COL4A1: variants seen among roughly 807,000 people sequenced by gnomAD.
COL4A1 encodes collagen type IV alpha 1 chain.
Under a neutral mutation model 216.6 loss-of-function variants are expected in COL4A1, and 40 were observed. The observed-to-expected ratio is 0.18, with a 90% CI of 0.14 to 0.24. The LOEUF is 0.24. Ranked by LOEUF, COL4A1 falls within the 10% of genes least tolerant of loss-of-function variation. The pLI is 1.00. For synonymous variants in COL4A1, 839 were observed against 810.7 expected, an observed-to-expected ratio of 1.03 and a Z score of -0.59; for missense variants, 1,628 against 2,196.8, an observed-to-expected ratio of 0.74 and a Z score of 5.18.
intron 1 of COL4A1, among the ~76,000 whole-genome samples, chr13:110,304,086 G>A (rs1269137039): frequency 6.6e-6 from 1 of 152,152 alleles, no homozygotes; most frequent in Non-Finnish European, 1.5e-5. Context: ...CAGAGTACAT[G>A]AACATTGTGT....
rs1227987351 is a variant in COL4A1 at position 110,219,971 on chromosome 13, T to TAC, written c.145-5957_145-5956insGT. 4.7e-4 allele frequency among the ~76,000 whole-genome samples: 69 copies of TAC among 147,008 alleles called. 2 individuals are homozygous for TAC. The highest frequency in any genetic ancestry group is 1.6e-3 in the African/African-American group (63 of 40,060). On this transcript the variant is annotated intron_variant, in intron 2 of 51. Coordinates refer to ENST00000375820, the MANE Select transcript of COL4A1 (RefSeq NM_001845.6). ...ATATACACATACATACATATACATA[T>TAC]ATATATATATATATTTGAGGCAGGG... is the stretch of plus-strand genomic sequence containing the variant.
intron 1 of COL4A1, among the ~76,000 whole-genome samples, chr13:110,256,259 T>C (rs1017548893): frequency 6.6e-6 from 1 of 152,140 alleles, no homozygotes; most frequent in Non-Finnish European, 1.5e-5. Flanking sequence ...TTCGGGCATA[T>C]TCTAGTCCGG....
At chr13:110,270,963 A>AT (rs1462849410) in intron 1 of COL4A1, among the ~76,000 whole-genome samples, 8 of 152,212 alleles carry the variant, frequency 5.3e-5, no homozygotes, top group African/African-American at 1.9e-4. Flanking sequence ...AAGCAACGAC[A>AT]TGTTCATAAA....
intron 2 of COL4A1, among the ~76,000 whole-genome samples, chr13:110,240,041 A>G (rs891379694): frequency 6.6e-6 from 1 of 152,172 alleles, no homozygotes; most frequent in Non-Finnish European, 1.5e-5. Context: ...GACCTTCTCC[A>G]TTTTTGTTAA....
intron 17 of COL4A1, among the ~76,000 whole-genome samples, chr13:110,204,672 C>A (rs1454561240): frequency 8.0e-6 from 1 of 124,310 alleles, no homozygotes; most frequent in African/African-American, 3.0e-5. Flanking sequence ...TTAGTTAGTT[C>A]CCCAACTAAA....
At chr13:110,157,481 C>T (rs1454204539) in intron 49 of COL4A1, among the ~76,000 whole-genome samples, 1 of 152,214 alleles carries the variant, frequency 6.6e-6, no homozygotes, top group African/African-American at 2.4e-5. Flanking sequence ...CCACTAAGTT[C>T]AGTAACCGTG....
chr13:110,209,868 T>C, intron 10 of COL4A1, 112 bp downstream of exon 10: 1 of 1,332,712 alleles, frequency 7.5e-7, no homozygotes, highest in South Asian at 1.2e-5. Flanking sequence ...CATGTCCAAA[T>C]TAAGAGCGAC....
chr13:110,197,200 A>T (rs1035252122), intron 21 of COL4A1, among the ~76,000 whole-genome samples: 2 of 143,086 alleles, frequency 1.4e-5, no homozygotes, highest in African/African-American at 5.1e-5. Context: ...TAAAACCACA[A>T]TCCCCTGCCC....
At chr13:110,251,217 T>C (rs1051189914) in intron 1 of COL4A1, among the ~76,000 whole-genome samples, 4 of 152,224 alleles carry the variant, frequency 2.6e-5, no homozygotes, top group Middle Eastern at 3.2e-3. Context: ...TCATCTTCCA[T>C]GGCCTACTCC....
intron 24 of COL4A1, among the ~76,000 whole-genome samples, chr13:110,189,484 G>A (rs951862609): frequency 2.6e-5 from 4 of 152,216 alleles, no homozygotes; most frequent in Non-Finnish European, 1.5e-5. Context: ...AGTGGTCTGA[G>A]CTGGCCCCGC....
rs146317338 is a variant in COL4A1 at position 110,177,667 on chromosome 13, T to C, written c.2716+175A>G. Among the ~76,000 whole-genome samples the C allele has an allele frequency of 4.4e-3, 675 of 152,128 alleles. 2 individuals carry two copies. The highest frequency in any genetic ancestry group is 0.016 in the African/African-American group (650 of 41,524). On this transcript the variant is annotated intron_variant, in intron 33 of 51. Coordinates refer to ENST00000375820, the MANE Select transcript of COL4A1 (RefSeq NM_001845.6). ...AAGCACAGTTTCAACCCCATGTGCA[T>C]TGAGCACCAGGAATCCTACTGGAAG...
intron 19 of COL4A1, among the ~76,000 whole-genome samples, 198 bp downstream of exon 19, chr13:110,201,240 A>G (rs570723691): frequency 4.3e-5 from 5 of 117,498 alleles, no homozygotes; most frequent in African/African-American, 1.2e-4. Flanking sequence ...AGAGAGAGAG[A>G]AGGAGGAGGA....
intron 1 of COL4A1, among the ~76,000 whole-genome samples, chr13:110,271,995 T>TACCCAAAGAATTG (rs1165929874): frequency 6.6e-6 from 1 of 152,230 alleles, no homozygotes; most frequent in Non-Finnish European, 1.5e-5. Flanking sequence ...ACAGGTACAC[T>TACCCAAAGAATTG]ACCCAAAGAA....
At chr13:110,252,803 T>A (rs1882213225) in intron 1 of COL4A1, among the ~76,000 whole-genome samples, 1 of 127,944 alleles carries the variant, frequency 7.8e-6, no homozygotes, top group African/African-American at 2.8e-5. Context: ...GTATTACATA[T>A]ACAGATAACT....
chr13:110,176,739 A>G lies in COL4A1; in HGVS notation c.2870-15T>C, dbSNP rs2139162803. ...TCCAATTTGTCCTACACATCAGAGA[A>G]GAAAATAGCAATGACCCGCATTTGC... On this transcript the variant is annotated splice_polypyrimidine_tract_variant and intron_variant, in intron 34 of 51. Coordinates refer to ENST00000375820, the MANE Select transcript of COL4A1 (RefSeq NM_001845.6). 2 of 1,614,020 alleles carry G rather than the reference A, an allele frequency of 1.2e-6. No individual in the cohort carries two copies. Among genetic ancestry groups the G allele is most frequent in the Middle Eastern group, 1.7e-4 (1 of 6,060 alleles).
At chr13:110,219,818 G>GTA (rs1349491238) in intron 2 of COL4A1, among the ~76,000 whole-genome samples, 2 of 131,812 alleles carry the variant, frequency 1.5e-5, no homozygotes, top group Admixed American at 8.1e-5. Context: ...GTGTATATAT[G>GTA]TATATATATG....
chr13:110,166,931 T>A (rs1238561341), intron 44 of COL4A1, among the ~76,000 whole-genome samples: 1 of 152,254 alleles, frequency 6.6e-6, no homozygotes, highest in Non-Finnish European at 1.5e-5. Context: ...GAGATATTAA[T>A]GATCCACTGA....
chr13:110,164,963 C>G lies in COL4A1; in HGVS notation c.4049G>C (p.Gly1350Ala). The G allele has an allele frequency of 6.2e-7, 1 of 1,604,966 alleles. No individual in the cohort carries two copies. The highest frequency in any genetic ancestry group is 8.5e-7 in the Non-Finnish European group (1 of 1,176,234). ...CTCCCCTTTGATGATGTCGTAAGGA[C>G]CTGGGGGGCCAGGAGGACCCGGGAG... ...KGLPGPPGPP[G>A]PYDIIKGEPG... The change falls in exon 46 of 52, where the codon GGT becomes GCT. Residue 1350 changes from glycine to alanine, a missense_variant. By Grantham distance (60) the Gly-to-Ala change is moderately conservative. Coordinates refer to ENST00000375820, the MANE Select transcript of COL4A1 (RefSeq NM_001845.6).
intron 1 of COL4A1, among the ~76,000 whole-genome samples, chr13:110,261,340 A>G (rs1442870699): frequency 6.6e-6 from 1 of 152,136 alleles, no homozygotes; most frequent in Non-Finnish European, 1.5e-5. Flanking sequence ...GCAATTTTGG[A>G]TTCTCTCAAA....
Sources: gnomAD v4.1 joint callset for allele counts (sites outside exome capture counted in the v4.1 genomes callset) on GRCh38, gnomAD v4.1.1 for gene constraint, MANE v1.5 for transcripts, NCBI Gene and HGNC (gene_info 2026-07-23, HGNC 2026-07-21) for gene names.